PDLIM2: variants seen among roughly 807,000 people sequenced by gnomAD.
PDLIM2 encodes the protein PDZ and LIM domain protein 2.
In PDLIM2, 51 loss-of-function variants were observed where a neutral mutation model predicts 54.1. That is an observed-to-expected ratio of 0.94 (90% CI 0.75 to 1.19). The LOEUF (loss-of-function observed/expected upper bound fraction) is 1.19, where lower values mean the gene tolerates loss of function less well. Among genes scored for constraint, PDLIM2 ranks in the 50% most tolerant of loss-of-function variants. The pLI, the probability that PDLIM2 is intolerant of heterozygous loss-of-function variation, is 0.00. For synonymous variants in PDLIM2, 398 were observed against 385.6 expected (o/e 1.03, Z -0.38); for missense variants, 912 against 874.0 (o/e 1.04, Z -0.55).
chr8:22,579,720 G>C (rs1230495124), intron 1 of PDLIM2: 2 of 589,292 alleles, frequency 3.4e-6, no homozygotes, highest in Non-Finnish European at 5.3e-6. Context: ...GGGCAGGGTG[G>C]TGCCCAGCCT....
chr8:22,580,945 T>G, intron 2 of PDLIM2: 1 of 678,188 alleles, frequency 1.5e-6, no homozygotes, highest in Non-Finnish European at 2.8e-6. Context: ...CCCCAGTTGC[T>G]ATCCCCACAC....
At chr8:22,589,672 GGACGGGCGGCCCCCC>G (rs774852491) in exon 8 of PDLIM2, 1 of 1,579,572 alleles carries the variant, frequency 6.3e-7, no homozygotes, top group African/African-American at 1.3e-5. Context: ...AAATCGCGAG[GGACGGGCGGCCCCCC>G]GACAGTCCAG....
chr8:22,581,514 C>G (rs748585448), exon 3 of PDLIM2: 1 of 1,587,232 alleles, frequency 6.3e-7, no homozygotes, highest in Non-Finnish European at 8.5e-7. Context: ...CTCGCCCCTG[C>G]GGCTGCAGCT....
At chr8:22,594,078 G>A in exon 10 of PDLIM2, 1 of 1,432,030 alleles carries the variant, frequency 7.0e-7, no homozygotes. Context: ...GTCTTGGACT[G>A]TGGGAGACTC....
At chr8:22,591,815 C>T in intron 9 of PDLIM2, 147 bp downstream of exon 8, 1 of 702,500 alleles carries the variant, frequency 1.4e-6, no homozygotes, top group South Asian at 1.9e-5. Flanking sequence ...CAGTGTTGCA[C>T]AGCTTTGGGG....
At chr8:22,591,528 A>ATGTC in intron 8 of PDLIM2, 23 bp from the exon 8 acceptor site, 1 of 1,605,636 alleles carries the variant, frequency 6.2e-7, no homozygotes, top group Non-Finnish European at 8.5e-7. Flanking sequence ...CTCTCACCAC[A>ATGTC]TGTCTGTCTG....
At position 22,581,246 on chromosome 8, in the gene PDLIM2, A is replaced by C. The variant is rs527262204; in HGVS notation, c.844-133A>C. 542 of 1,156,458 alleles carry C rather than the reference A, an allele frequency of 4.7e-4. 7 individuals are homozygous for C. The South Asian group carries it at 5.4e-3, about 12-fold the overall frequency. 71.6% of individuals were successfully genotyped at this position (1,156,458 alleles called of 1,614,324 possible). ...GGCTGATCAGCTGGGTGTCATGAGC[A>C]GGCAGAGGGACATGCAGGAGGGTGC... On this transcript the variant is annotated intron_variant, in intron 2 of 9. Coordinates refer to ENST00000308354, the Ensembl canonical transcript of PDLIM2.
exon 1 of PDLIM2, chr8:22,579,029 C>A (rs1344331441): frequency 1.6e-6 from 2 of 1,241,226 alleles, no homozygotes; most frequent in Non-Finnish European, 2.0e-6. Flanking sequence ...CTGGGCTCGC[C>A]GCGCGGAGGC....
At chr8:22,584,352 AGGCTG>A (rs1800306628) in intron 3 of PDLIM2, among the ~76,000 whole-genome samples, 1 of 151,858 alleles carries the variant, frequency 6.6e-6, no homozygotes, top group Non-Finnish European at 1.5e-5. Flanking sequence ...TGTGTTGCCC[AGGCTG>A]GAAGGCAGTG....
downstream of PDLIM2, chr8:22,594,945 A>C: frequency 1.9e-4 from 50 of 268,044 alleles, no homozygotes; most frequent in Middle Eastern, 2.4e-3. Context: ...ACAAAAACAA[A>C]TGAATGCATG....
At chr8:22,593,019 G>C (rs535513178) in intron 9 of PDLIM2, 1 of 152,532 alleles carries the variant, frequency 6.6e-6, no homozygotes, top group Admixed American at 6.5e-5. Flanking sequence ...GACTACAGGC[G>C]TGTGCCACCA....
chr8:22,580,955 C>G, intron 2 of PDLIM2: 1 of 675,628 alleles, frequency 1.5e-6, no homozygotes, highest in Non-Finnish European at 2.8e-6. Context: ...TATCCCCACA[C>G]TTGCAGGCAG....
chr8:22,586,986 C>A (rs1021619981), intron 6 of PDLIM2, among the ~76,000 whole-genome samples: 4 of 152,198 alleles, frequency 2.6e-5, no homozygotes, highest in Non-Finnish European at 5.9e-5. Context: ...ACCAGCCCCC[C>A]TTCCTCTCCC....
At chr8:22,585,465 G>T in intron 6 of PDLIM2, 66 bp downstream of exon 5, 1 of 1,495,314 alleles carries the variant, frequency 6.7e-7, no homozygotes, top group Non-Finnish European at 9.1e-7. Context: ...TGGGTTGCCA[G>T]TGCCCCGGGA....
At chr8:22,597,587 CAG>C (rs1800706592), downstream of PDLIM2, 1 of 152,682 alleles carries the variant, frequency 6.5e-6, no homozygotes, top group Non-Finnish European at 1.5e-5. Context: ...ATTCCTGTCC[CAG>C]AGTCACCACA....
exon 3 of PDLIM2, chr8:22,581,425 A>T (rs1330115743): frequency 6.2e-7 from 1 of 1,608,420 alleles, no homozygotes; most frequent in Admixed American, 1.7e-5. Flanking sequence ...CGGCCTGGAG[A>T]CATAATCGTG....
At chr8:22,584,203 G>A (rs886536944) in intron 3 of PDLIM2, among the ~76,000 whole-genome samples, 68 of 150,148 alleles carry the variant, frequency 4.5e-4, no homozygotes, top group African/African-American at 1.6e-3. Flanking sequence ...TAGAGATGGG[G>A]TTTCACCTTG....
downstream of PDLIM2, chr8:22,597,672 C>G (rs1188462142): frequency 6.6e-6 from 1 of 152,540 alleles, no homozygotes; most frequent in African/African-American, 2.4e-5. Flanking sequence ...CTCCCCCACC[C>G]TCTTACTTTG....
At chr8:22,590,306 G>A (rs1028847028) in intron 8 of PDLIM2, 2 of 154,544 alleles carry the variant, frequency 1.3e-5, no homozygotes, top group African/African-American at 2.4e-5. Context: ...AAATACTGAT[G>A]CCAGGCGAGC....
Sources: gnomAD v4.1 joint callset for allele counts (sites outside exome capture counted in the v4.1 genomes callset) on GRCh38, gnomAD v4.1.1 for gene constraint, MANE v1.5 for transcripts, NCBI Gene and HGNC (gene_info 2026-07-23, HGNC 2026-07-21) for gene names.